HECW2: variants seen among roughly 807,000 people sequenced by gnomAD.
The protein encoded by HECW2 is HECT, C2 and WW domain containing E3 ubiquitin protein ligase 2.
HECW2 carries 61 observed loss-of-function variants against 175.2 expected under a neutral mutation model. The ratio of observed to expected loss-of-function variants is 0.35; its 90% CI spans 0.28 to 0.43. The LOEUF (loss-of-function observed/expected upper bound fraction) is 0.43, where lower values mean the gene tolerates loss of function less well. Ranked by LOEUF, HECW2 falls within the 20% of genes least tolerant of loss-of-function variation. The pLI is 1.00. For missense variants in HECW2, 1,524 were observed against 2,000.5 expected (o/e 0.76, Z 4.54); for synonymous variants, 671 against 731.0 (o/e 0.92, Z 1.32).
At chr2:196,257,507 T>C (rs13034056) in intron 18 of HECW2, among the ~76,000 whole-genome samples, 1 of 152,140 alleles carries the variant, frequency 6.6e-6, no homozygotes, top group African/African-American at 2.4e-5. Flanking sequence ...GGGTAAACGG[T>C]GGATGCCTTG....
chr2:196,442,543 CAACAA>C (rs1283231312), intron 1 of HECW2, among the ~76,000 whole-genome samples: 2 of 152,114 alleles, frequency 1.3e-5, no homozygotes, highest in African/African-American at 2.4e-5. Flanking sequence ...AACAAATTAA[CAACAA>C]AACAAATGTC....
intron 1 of HECW2, among the ~76,000 whole-genome samples, chr2:196,445,887 C>T (rs1022614117): frequency 1.3e-5 from 2 of 152,202 alleles, no homozygotes; most frequent in African/African-American, 2.4e-5. Flanking sequence ...TTCACTCTAT[C>T]CAGCCACCAT....
rs186458678 is a variant in HECW2 at position 196,559,314 on chromosome 2, C to T, written c.-36+34194G>A. Among the ~76,000 whole-genome samples, 465 of 152,298 alleles carry T rather than the reference C, an allele frequency of 3.1e-3. 2 individuals carry two copies. The highest frequency in any genetic ancestry group is 5.1e-3 in the Non-Finnish European group (349 of 68,026). On this transcript the variant is annotated intron_variant, in intron 1 of 28. Transcript: ENST00000644978. ...CATACACCAGCCCATCAGAGTCCTA[C>T]CTGACATGTCCACCCTTCAGAAACA...
At chr2:196,322,448 A>G in intron 7 of HECW2, 30 bp downstream of exon 7, 3 of 1,595,798 alleles carry the variant, frequency 1.9e-6, no homozygotes, top group Non-Finnish European at 2.6e-6. Context: ...ACTAATCTCA[A>G]CAAGATCCCC....
intron 1 of HECW2, among the ~76,000 whole-genome samples, chr2:196,458,884 A>AAAAGAG (rs200619005): frequency 0.011 from 1,638 of 152,272 alleles, 33 homozygotes; most frequent in African/African-American, 0.037. Context: ...AACAACAAAA[A>AAAAGAG]AGATAAGTGT....
At chr2:196,423,769 A>G (rs924280362) in intron 2 of HECW2, among the ~76,000 whole-genome samples, 1 of 151,006 alleles carries the variant, frequency 6.6e-6, no homozygotes, top group Non-Finnish European at 1.5e-5. Context: ...GGTTGACTGC[A>G]TATCTTGGCT....
intron 1 of HECW2, among the ~76,000 whole-genome samples, chr2:196,523,627 CTTA>C (rs1352146071): frequency 1.3e-5 from 2 of 151,330 alleles, no homozygotes; most frequent in African/African-American, 4.9e-5. Flanking sequence ...ATAGATAGCT[CTTA>C]TTATTTTGAA....
At chr2:196,502,121 T>C (rs935100338) in intron 1 of HECW2, among the ~76,000 whole-genome samples, 9 of 152,216 alleles carry the variant, frequency 5.9e-5, no homozygotes, top group African/African-American at 1.4e-4. Flanking sequence ...TGCTGGTATT[T>C]ATATGAAAAA....
intron 1 of HECW2, among the ~76,000 whole-genome samples, 186 bp downstream of exon 1, chr2:196,593,322 C>T (rs1462638658): frequency 6.6e-6 from 1 of 150,714 alleles, no homozygotes; most frequent in African/African-American, 2.4e-5. Flanking sequence ...TGTGGCCGAG[C>T]GCGGCGCGGC....
At chr2:196,222,094 A>C (rs1687690103) in intron 24 of HECW2, 117 bp downstream of exon 24, 3 of 862,810 alleles carry the variant, frequency 3.5e-6, no homozygotes, top group Non-Finnish European at 1.7e-6. Flanking sequence ...CCTGAGTTTA[A>C]ATCACCCAAT....
chr2:196,224,878 T>C (rs1167406907), intron 23 of HECW2, among the ~76,000 whole-genome samples: 1 of 152,160 alleles, frequency 6.6e-6, no homozygotes, highest in Non-Finnish European at 1.5e-5. Flanking sequence ...TGTTCCCCAG[T>C]GCTACAGCTG....
intron 1 of HECW2, among the ~76,000 whole-genome samples, chr2:196,490,839 G>A (rs1224266468): frequency 1.3e-5 from 2 of 151,848 alleles, no homozygotes; most frequent in East Asian, 3.9e-4. Flanking sequence ...CATGCTAAGT[G>A]AAGAAAGCCA....
chr2:196,271,439 A>G (rs1689733834), intron 16 of HECW2, 150 bp from the exon 17 acceptor site: 1 of 571,604 alleles, frequency 1.7e-6, no homozygotes, highest in Non-Finnish European at 3.1e-6. Flanking sequence ...GCCTGCCACC[A>G]TGCTCAGCTA....
intron 1 of HECW2, among the ~76,000 whole-genome samples, chr2:196,464,657 G>A (rs1016088278): frequency 8.5e-5 from 13 of 152,304 alleles, no homozygotes; most frequent in South Asian, 6.2e-4. Flanking sequence ...AAAGGTTAGT[G>A]TAATGATAGT....
At chr2:196,321,146 G>A (rs953328525) in intron 7 of HECW2, among the ~76,000 whole-genome samples, 2 of 152,232 alleles carry the variant, frequency 1.3e-5, no homozygotes, top group Non-Finnish European at 2.9e-5. Flanking sequence ...TGCCTTGTAA[G>A]CAGTGCTGAT....
intron 2 of HECW2, among the ~76,000 whole-genome samples, chr2:196,363,085 G>T (rs1693645198): frequency 6.6e-6 from 1 of 152,138 alleles, no homozygotes; most frequent in African/African-American, 2.4e-5. Flanking sequence ...GGAATTGGAT[G>T]AGTGAACACA....
chr2:196,312,361 A>T (rs1416410844), intron 10 of HECW2, among the ~76,000 whole-genome samples: 1 of 152,232 alleles, frequency 6.6e-6, no homozygotes, highest in Non-Finnish European at 1.5e-5. Context: ...TATAATAACC[A>T]CAGGTATCAT....
At chr2:196,347,939 G>A (rs1693019812) in intron 2 of HECW2, among the ~76,000 whole-genome samples, 1 of 152,260 alleles carries the variant, frequency 6.6e-6, no homozygotes, top group Admixed American at 6.5e-5. Flanking sequence ...TGAATCCTGA[G>A]AAATAAGTTT....
intron 1 of HECW2, among the ~76,000 whole-genome samples, chr2:196,441,667 C>T (rs1197873702): frequency 6.6e-6 from 1 of 152,154 alleles, no homozygotes; most frequent in Admixed American, 6.5e-5. Flanking sequence ...CAAGAGAGAG[C>T]ATTTTCAGTC....
Sources: gnomAD v4.1 joint callset for allele counts (sites outside exome capture counted in the v4.1 genomes callset) on GRCh38, gnomAD v4.1.1 for gene constraint, MANE v1.5 for transcripts, NCBI Gene and HGNC (gene_info 2026-07-23, HGNC 2026-07-21) for gene names.